The following PTPRD variants were observed in gnomAD, a reference collection of about 807,000 sequenced individuals.
PTPRD encodes receptor-type tyrosine-protein phosphatase delta.
In PTPRD, 34 loss-of-function variants were observed where a neutral mutation model predicts 214.5. The ratio of observed to expected loss-of-function variants is 0.16; its 90% confidence interval spans 0.12 to 0.21. The LOEUF is 0.21. Among genes scored for constraint, PTPRD ranks in the 10% least tolerant of loss-of-function variants. The pLI, the probability that PTPRD is intolerant of heterozygous loss-of-function variation, is 1.00. For missense variants in PTPRD, 2,545 were observed against 2,398.7 expected (o/e 1.06, Z -1.27); for synonymous variants, 1,128 against 845.7 (o/e 1.33, Z -5.79).
intron 5 of PTPRD, among the ~76,000 whole-genome samples, chr9:9,897,123 C>T (rs1276667438): frequency 2.2e-5 from 1 of 45,404 alleles, no homozygotes; most frequent in Non-Finnish European, 4.2e-5. Context: ...AAAAACATCT[C>T]TTACACTTAC....
At chr9:9,155,477 C>A (rs541756903) in intron 10 of PTPRD, among the ~76,000 whole-genome samples, 1 of 152,052 alleles carries the variant, frequency 6.6e-6, no homozygotes, top group Admixed American at 6.6e-5. Flanking sequence ...AAAGGTGGCA[C>A]ATATTGGTAA....
intron 35 of PTPRD, among the ~76,000 whole-genome samples, chr9:8,424,164 T>G (rs955190198): frequency 7.2e-5 from 11 of 152,132 alleles, no homozygotes; most frequent in Non-Finnish European, 1.2e-4. Flanking sequence ...AATATAATTA[T>G]AACAAAAAGA....
intron 27 of PTPRD, chr9:8,486,599 T>C (rs768068875): frequency 3.1e-6 from 2 of 636,440 alleles, no homozygotes; most frequent in South Asian, 3.2e-5. Context: ...AACAACAGCT[T>C]AAGGGGATTT....
At chr9:9,470,809 G>T (rs901677460) in intron 8 of PTPRD, among the ~76,000 whole-genome samples, 1 of 152,256 alleles carries the variant, frequency 6.6e-6, no homozygotes, top group East Asian at 1.9e-4. Flanking sequence ...ATGTGAAGCT[G>T]CCATGCTGTC....
intron 14 of PTPRD, among the ~76,000 whole-genome samples, chr9:8,560,867 G>A (rs142182495): frequency 1.3e-5 from 2 of 151,380 alleles, no homozygotes; most frequent in Non-Finnish European, 2.9e-5. Context: ...GGATTCAAAC[G>A]ACAAATTCCT....
chr9:10,487,296 G>T (rs1005142268), intron 2 of PTPRD, among the ~76,000 whole-genome samples: 7 of 152,014 alleles, frequency 4.6e-5, no homozygotes, highest in Non-Finnish European at 8.8e-5. Flanking sequence ...TACATTCAAT[G>T]TTACTATTGA....
intron 7 of PTPRD, among the ~76,000 whole-genome samples, chr9:9,626,026 G>A (rs532076175): frequency 6.6e-5 from 10 of 152,290 alleles, no homozygotes; most frequent in South Asian, 4.1e-4. Flanking sequence ...ATAGGTAAGC[G>A]AAAGAGCATG....
chr9:8,995,462 C>T (rs755446497), intron 11 of PTPRD, among the ~76,000 whole-genome samples: 1 of 151,964 alleles, frequency 6.6e-6, no homozygotes, highest in African/African-American at 2.4e-5. Context: ...ATTCTCTCTT[C>T]TTATGGAGGT....
chr9:8,578,985 T>C (rs536869085), intron 14 of PTPRD, among the ~76,000 whole-genome samples: 14 of 152,344 alleles, frequency 9.2e-5, no homozygotes, highest in Admixed American at 2.0e-4. Flanking sequence ...TTTATAAATA[T>C]TTCAGAGGTG....
At chr9:8,663,727 A>G (rs1288398575) in intron 12 of PTPRD, among the ~76,000 whole-genome samples, 1 of 152,030 alleles carries the variant, frequency 6.6e-6, no homozygotes, top group Non-Finnish European at 1.5e-5. Context: ...CTGACCTCAA[A>G]TGATCTGCCC....
intron 3 of PTPRD, among the ~76,000 whole-genome samples, chr9:10,147,075 G>A (rs2099028130): frequency 6.6e-6 from 1 of 152,040 alleles, no homozygotes; most frequent in Admixed American, 6.6e-5. Flanking sequence ...AGCTAATAAA[G>A]GAGCAAACTA....
intron 10 of PTPRD, among the ~76,000 whole-genome samples, chr9:9,096,126 T>C (rs1268001424): frequency 1.3e-5 from 2 of 152,150 alleles, no homozygotes; most frequent in Non-Finnish European, 2.9e-5. Context: ...AGCAGATATG[T>C]AGGATGACCA....
At chr9:9,339,156 T>C (rs182736952) in intron 9 of PTPRD, among the ~76,000 whole-genome samples, 63 of 152,158 alleles carry the variant, frequency 4.1e-4, no homozygotes, top group African/African-American at 1.4e-3. Flanking sequence ...AAAAGAATTT[T>C]TCATGTTAAT....
In PTPRD at chr9:8,465,640, G is replaced by C. The variant is rs750223388; in HGVS notation, c.3540C>G (p.Ile1180Met). The C allele has an allele frequency of 3.1e-6, 5 of 1,611,984 alleles. No homozygotes were observed. In the African/African-American group the frequency reaches 5.4e-5, roughly 17 times the overall value. ...LKEISRKRRS[I>M]RYGREVELKP... ...TTAATTCAACTTCTCTCCCATAACGGATGCTTCTGCGCTTCCTAGATATCT... is the reference window on the plus strand; with the variant it reads ...TTAATTCAACTTCTCTCCCATAACGCATGCTTCTGCGCTTCCTAGATATCT... The change falls in exon 32 of 46, where the codon ATC becomes ATG. Residue 1180 changes from isoleucine to methionine, a missense_variant. Physicochemically the swap from Ile to Met is conservative, Grantham distance 10. Coordinates refer to ENST00000381196, the MANE Select transcript of PTPRD (RefSeq NM_002839.4).
chr9:8,317,141 TTGAG>T lies in PTPRD; in HGVS notation c.*729_*732del, dbSNP rs962423959. On this transcript the variant is annotated 3_prime_UTR_variant, in exon 46 of 46. Coordinates refer to ENST00000381196, the MANE Select transcript of PTPRD (RefSeq NM_002839.4). Reference sequence around the variant, plus strand: ...TATCTGACGAGACTGATACTGTAGATTGAGTTTTGCACAAAAATGTGCAAATTTT... The same window carrying T: ...TATCTGACGAGACTGATACTGTAGATTTTTGCACAAAAATGTGCAAATTTT... 2.9e-4 allele frequency: 67 copies of T among 231,858 alleles called. No individual in the cohort carries two copies. The highest frequency in any genetic ancestry group is 1.4e-3 in the African/African-American group (64 of 45,344). The allele number at this position is 231,858 out of a possible 1,614,324, so 14.4% of individuals were successfully genotyped here.
At chr9:9,595,494 G>C (rs1158017919) in intron 7 of PTPRD, among the ~76,000 whole-genome samples, 1 of 149,864 alleles carries the variant, frequency 6.7e-6, no homozygotes, top group Non-Finnish European at 1.5e-5. Context: ...GTATGCATAT[G>C]TACACATGTA....
intron 5 of PTPRD, among the ~76,000 whole-genome samples, chr9:9,906,414 G>T: frequency 6.6e-6 from 1 of 151,760 alleles, no homozygotes; most frequent in African/African-American, 2.4e-5. Flanking sequence ...GATAATCATT[G>T]CTTTTATCTT....
At chr9:8,512,964 T>G (rs182251464) in intron 21 of PTPRD, among the ~76,000 whole-genome samples, 1 of 152,046 alleles carries the variant, frequency 6.6e-6, no homozygotes, top group Non-Finnish European at 1.5e-5. Context: ...CAATTACCTT[T>G]ACAAGAAAAC....
intron 36 of PTPRD, 152 bp downstream of exon 36, chr9:8,404,385 T>TC (rs1217083256): frequency 1.1e-5 from 12 of 1,051,394 alleles, no homozygotes; most frequent in Non-Finnish European, 1.4e-5. Context: ...CGCCTCAGCC[T>TC]CCCAAAGTGC....
Sources: gnomAD v4.1 joint callset for allele counts (sites outside exome capture counted in the v4.1 genomes callset) on GRCh38, gnomAD v4.1.1 for gene constraint, MANE v1.5 for transcripts, NCBI Gene and HGNC (gene_info 2026-07-23, HGNC 2026-07-21) for gene names.